Variants in NCAM1 observed in about 807,000 individuals in gnomAD.
NCAM1 encodes the protein neural cell adhesion molecule 1, also known as antigen recognized by monoclonal antibody 5.1H11.
Under a neutral mutation model 109.8 loss-of-function variants are expected in NCAM1, and 14 were observed. The observed-to-expected ratio is 0.13, with a 90% CI of 0.08 to 0.20. The LOEUF (loss-of-function observed/expected upper bound fraction) is 0.20. NCAM1 is among the 10% of genes least tolerant of loss of function. NCAM1 has a pLI of 1.00. For missense variants in NCAM1, 774 were observed against 1,109.9 expected, an observed-to-expected ratio of 0.70 and a Z score of 4.30; for synonymous variants, 418 against 442.9, an observed-to-expected ratio of 0.94 and a Z score of 0.70.
At chr11:113,104,414 A>G (rs1427325023) in intron 1 of NCAM1, among the ~76,000 whole-genome samples, 1 of 152,054 alleles carries the variant, frequency 6.6e-6, no homozygotes, top group Non-Finnish European at 1.5e-5. Context: ...TAGTTCATGA[A>G]AAAGATCATG....
chr11:113,264,288 T>C (rs1412831558), intron 17 of NCAM1: 3 of 985,306 alleles, frequency 3.0e-6, no homozygotes, highest in Non-Finnish European at 3.6e-6. Context: ...AGCCTTTCCC[T>C]TTGGGATTCC....
At chr11:113,155,214 A>G (rs17115026) in intron 1 of NCAM1, among the ~76,000 whole-genome samples, 66 of 152,260 alleles carry the variant, frequency 4.3e-4, no homozygotes, top group African/African-American at 1.5e-3. Flanking sequence ...TGGAATTTCA[A>G]TTTTTAAAAA....
intron 17 of NCAM1, among the ~76,000 whole-genome samples, chr11:113,262,679 T>C (rs1386047136): frequency 6.6e-6 from 1 of 152,218 alleles, no homozygotes; most frequent in Non-Finnish European, 1.5e-5. Context: ...TTTTTATCTA[T>C]TTTTTTCTCT....
intron 1 of NCAM1, among the ~76,000 whole-genome samples, chr11:113,095,696 T>G (rs1283365860): frequency 6.6e-6 from 1 of 152,232 alleles, no homozygotes; most frequent in African/African-American, 2.4e-5. Context: ...CAAGGCAGAT[T>G]TTATTAATCC....
chr11:113,109,632 G>T (rs1023681960), intron 1 of NCAM1, among the ~76,000 whole-genome samples: 1 of 152,306 alleles, frequency 6.6e-6, no homozygotes, highest in Middle Eastern at 3.4e-3. Context: ...TCAAGGAACT[G>T]TTTGTTTTGT....
intron 1 of NCAM1, among the ~76,000 whole-genome samples, chr11:113,046,107 C>T (rs1239638834): frequency 6.6e-6 from 1 of 152,178 alleles, no homozygotes; most frequent in Non-Finnish European, 1.5e-5. Flanking sequence ...CATTAGCCTA[C>T]ACTAATTTGA....
intron 1 of NCAM1, among the ~76,000 whole-genome samples, chr11:113,149,058 A>G (rs1555101918): frequency 6.6e-6 from 1 of 152,246 alleles, no homozygotes; most frequent in East Asian, 1.9e-4. Context: ...CAGACCAACT[A>G]GTCGGGGACT....
intron 9 of NCAM1, among the ~76,000 whole-genome samples, chr11:113,229,870 G>A (rs1944951503): frequency 6.6e-6 from 1 of 152,100 alleles, no homozygotes; most frequent in African/African-American, 2.4e-5. Context: ...ACTCATAGGT[G>A]GGAATTGAAC....
intron 1 of NCAM1, among the ~76,000 whole-genome samples, chr11:113,051,896 T>G (rs1397836920): frequency 6.6e-6 from 1 of 152,226 alleles, no homozygotes; most frequent in Non-Finnish European, 1.5e-5. Context: ...CCTAAAGTTG[T>G]AAATGTTTTT....
intron 1 of NCAM1, among the ~76,000 whole-genome samples, chr11:113,089,037 G>A (rs919143332): frequency 2.0e-5 from 3 of 152,122 alleles, no homozygotes; most frequent in Non-Finnish European, 2.9e-5. Context: ...TAAGGCAGCC[G>A]GGCGCGGTGG....
At chr11:113,132,462 G>A (rs781909107) in intron 1 of NCAM1, among the ~76,000 whole-genome samples, 5 of 121,852 alleles carry the variant, frequency 4.1e-5, no homozygotes, top group African/African-American at 1.1e-4. Context: ...GGGAGAGGGG[G>A]CTTTACCTTC....
intron 1 of NCAM1, among the ~76,000 whole-genome samples, chr11:113,042,574 C>G (rs1591275464): frequency 6.6e-6 from 1 of 152,228 alleles, no homozygotes; most frequent in Admixed American, 6.5e-5. Flanking sequence ...TAACTCTTCT[C>G]TCTCATCTGC....
chr11:112,964,070 G>T (rs2134442368), intron 1 of NCAM1, among the ~76,000 whole-genome samples: 1 of 149,406 alleles, frequency 6.7e-6, no homozygotes, highest in Non-Finnish European at 1.5e-5. Context: ...AAGTCAAAGG[G>T]TTAGAATGAA....
chr11:113,272,844 C>T (rs1434328047), intron 19 of NCAM1: 3 of 444,148 alleles, frequency 6.8e-6, no homozygotes, highest in African/African-American at 6.0e-5. Flanking sequence ...CCCCCATGGT[C>T]CCTGTCCTGG....
At chr11:113,272,033 A>G (rs914791109) in intron 19 of NCAM1, among the ~76,000 whole-genome samples, 157 bp downstream of exon 19, 18 of 151,524 alleles carry the variant, frequency 1.2e-4, no homozygotes, top group African/African-American at 4.4e-4. Context: ...CTTGGCTGAG[A>G]AATGCCTGAC....
At chr11:112,998,564 C>T (rs1435259993) in intron 1 of NCAM1, among the ~76,000 whole-genome samples, 1 of 152,154 alleles carries the variant, frequency 6.6e-6, no homozygotes, top group Non-Finnish European at 1.5e-5. Context: ...GCCCCACCCT[C>T]ACCTAGCCCC....
intron 1 of NCAM1, among the ~76,000 whole-genome samples, chr11:113,136,942 A>G (rs1219210775): frequency 2.0e-5 from 3 of 152,212 alleles, no homozygotes; most frequent in Admixed American, 1.3e-4. Flanking sequence ...GGGGAAGGCC[A>G]AGGCTGACAC....
chr11:113,240,952 C>A, intron 14 of NCAM1: 2 of 1,089,066 alleles, frequency 1.8e-6, no homozygotes, highest in Non-Finnish European at 2.8e-6. Context: ...TGGAAAGCAG[C>A]GTCGGGTTTT....
chr11:113,134,632 T>C (rs140092139), intron 1 of NCAM1, among the ~76,000 whole-genome samples: 2 of 152,286 alleles, frequency 1.3e-5, no homozygotes, highest in Non-Finnish European at 2.9e-5. Flanking sequence ...CCCTGTCCTA[T>C]AACCCAGCAT....
Sources: gnomAD v4.1 joint callset for allele counts (sites outside exome capture counted in the v4.1 genomes callset) on GRCh38, gnomAD v4.1.1 for gene constraint, MANE v1.5 for transcripts, NCBI Gene and HGNC (gene_info 2026-07-23, HGNC 2026-07-21) for gene names.